MBNL2: variants seen among roughly 807,000 people sequenced by gnomAD.
MBNL2 encodes the protein muscleblind like splicing regulator 2, also known as muscleblind-like protein 2.
MBNL2 carries 17 observed loss-of-function variants against 41.9 expected under a neutral mutation model. The observed-to-expected ratio is 0.41, with a 90% confidence interval of 0.28 to 0.61. The LOEUF (loss-of-function observed/expected upper bound fraction) is 0.61. Ranked by LOEUF, MBNL2 falls within the 20% of genes least tolerant of loss-of-function variation. The pLI is 0.35. For synonymous variants in MBNL2, 195 were observed against 182.9 expected (o/e 1.07, Z -0.53); for missense variants, 336 against 505.6 (o/e 0.66, Z 3.22).
chr13:97,392,554 T>G lies in MBNL2; in HGVS notation c.*1105T>G, dbSNP rs1416115680. Reference sequence around the variant, plus strand: ...AAAGTATAAAAAACTTTAATACAAGTACATACATATTATATATACACATAC... The same window carrying G: ...AAAGTATAAAAAACTTTAATACAAGGACATACATATTATATATACACATAC... On this transcript the variant is annotated 3_prime_UTR_variant, in exon 9 of 9. Transcript: ENST00000679496. 1.3e-5 allele frequency: 2 copies of G among 152,360 alleles called. No homozygotes were observed. Among genetic ancestry groups the G allele is most frequent in the Non-Finnish European group, 2.9e-5 (2 of 67,966 alleles). 9.4% of individuals were successfully genotyped at this position (152,360 alleles called of 1,614,324 possible).
intron 8 of MBNL2, among the ~76,000 whole-genome samples, chr13:97,372,961 C>A (rs2064529418): frequency 6.6e-6 from 1 of 152,158 alleles, no homozygotes; most frequent in South Asian, 2.1e-4. Flanking sequence ...CCACTTGACC[C>A]ATTTTGGGGC....
Position 97,391,982 on chromosome 13 carries a change from T to C in MBNL2, c.*533T>C, listed in dbSNP as rs1294627856. 2 of 153,020 alleles carry C rather than the reference T, an allele frequency of 1.3e-5. No homozygotes were observed. Among genetic ancestry groups the C allele is most frequent in the East Asian group, 3.8e-4 (2 of 5,206 alleles). The allele number at this position is 153,020 out of a possible 1,614,324, so 9.5% of individuals were successfully genotyped here. On this transcript the variant is annotated 3_prime_UTR_variant, in exon 9 of 9. Transcript: ENST00000679496. ...GTGTGGTGTTTGGTTTGCCTGGAGA[T>C]GCCACGTTGAATCATGTGATTCTAG...
At chr13:97,370,677 AAAGAAAG>A (rs1314026861) in intron 8 of MBNL2, among the ~76,000 whole-genome samples, 175 of 151,320 alleles carry the variant, frequency 1.2e-3, no homozygotes, top group African/African-American at 4.1e-3. Flanking sequence ...CAAAAAAAAA[AAAGAAAG>A]AAAGAAAGAA....
chr13:97,220,927 A>C (rs2040806347), upstream of MBNL2, among the ~76,000 whole-genome samples: 1 of 152,202 alleles, frequency 6.6e-6, no homozygotes, highest in Non-Finnish European at 1.5e-5. Context: ...CCACAGAACT[A>C]ATTTAAATTT....
chr13:97,300,887 G>C (rs766754622), intron 2 of MBNL2, among the ~76,000 whole-genome samples: 1 of 151,914 alleles, frequency 6.6e-6, no homozygotes, highest in Non-Finnish European at 1.5e-5. Context: ...CAAATATATT[G>C]GGCATCTATA....
the MBNL2 span, among the ~76,000 whole-genome samples, chr13:97,193,287 C>T: frequency 6.6e-6 from 1 of 152,234 alleles, no homozygotes; most frequent in Non-Finnish European, 1.5e-5. Flanking sequence ...AAGATACCCT[C>T]TTTTAGTTGG....
At chr13:97,243,697 T>C (rs575699537) in intron 1 of MBNL2, among the ~76,000 whole-genome samples, 1 of 152,342 alleles carries the variant, frequency 6.6e-6, no homozygotes, top group African/African-American at 2.4e-5. Flanking sequence ...ACAGTTTCTT[T>C]TTCTTTTCTC....
rs2066417773 is a variant in MBNL2 at position 97,392,926 on chromosome 13, G to A, written c.*1477G>A. 1 of 152,294 alleles carries A rather than the reference G, an allele frequency of 6.6e-6. No individual in the cohort carries two copies. Among genetic ancestry groups the A allele is most frequent in the Non-Finnish European group, 1.5e-5 (1 of 67,884 alleles). The allele number at this position is 152,294 out of a possible 1,614,324, so 9.4% of individuals were successfully genotyped here. On this transcript the variant is annotated 3_prime_UTR_variant, in exon 9 of 9. Transcript: ENST00000679496. The stretch of plus-strand genomic sequence containing the variant: ...TGAATGTAAAATATTTTAAATTTGG[G>A]ATCATCGCCTGTTCTGAAAACTAGA...
upstream of MBNL2, chr13:97,222,150 A>AT (rs2040913288): frequency 3.0e-6 from 1 of 336,670 alleles, no homozygotes; most frequent in African/African-American, 2.1e-5. Context: ...TGAGAGGGAA[A>AT]TTCCTCTTTC....
At chr13:97,193,343 T>C in the MBNL2 span, among the ~76,000 whole-genome samples, 3 of 152,194 alleles carry the variant, frequency 2.0e-5, no homozygotes, top group Admixed American at 2.0e-4. Context: ...CCTACGACAG[T>C]TGAGGGCGAG....
rs529650472 is a variant in MBNL2, at chr13:97,299,048, G to A, written c.174+22639G>A. ...GGTTTGGGAAGAAGTCAGAAAGAAAGCAATGGGATGTTAGGAATTGCAGGA... is the reference window on the plus strand; with the variant it reads ...GGTTTGGGAAGAAGTCAGAAAGAAAACAATGGGATGTTAGGAATTGCAGGA... On this transcript the variant is annotated intron_variant, in intron 2 of 8. Coordinates refer to ENST00000679496, the MANE Select transcript of MBNL2 (RefSeq NM_001382683.1). Among the ~76,000 whole-genome samples, 5 of 152,284 alleles carry A rather than the reference G, an allele frequency of 3.3e-5. No individual in the cohort carries two copies. The East Asian group carries it at 7.7e-4, about 23-fold the overall frequency.
At chr13:97,241,964 C>T (rs1048379344) in intron 1 of MBNL2, among the ~76,000 whole-genome samples, 2 of 152,126 alleles carry the variant, frequency 1.3e-5, no homozygotes, top group Admixed American at 6.5e-5. Flanking sequence ...AGGAAATGAG[C>T]TCTTATTGTG....
At chr13:97,303,501 G>A (rs1009870198) in intron 2 of MBNL2, among the ~76,000 whole-genome samples, 2 of 152,168 alleles carry the variant, frequency 1.3e-5, no homozygotes, top group Non-Finnish European at 2.9e-5. Context: ...CGGAATCCAG[G>A]CCCACCCCAG....
At chr13:97,250,569 C>T (rs2046325063) in intron 1 of MBNL2, among the ~76,000 whole-genome samples, 1 of 152,012 alleles carries the variant, frequency 6.6e-6, no homozygotes, top group Non-Finnish European at 1.5e-5. Flanking sequence ...CTTGAGCTCC[C>T]TTTCTGACCC....
intron 1 of MBNL2, among the ~76,000 whole-genome samples, chr13:97,236,644 T>A (rs1293082153): frequency 6.6e-6 from 1 of 152,186 alleles, no homozygotes; most frequent in East Asian, 1.9e-4. Context: ...CCTCCGCTTT[T>A]TATTCATTTC....
At chr13:97,177,101 G>A in the MBNL2 span, among the ~76,000 whole-genome samples, 3 of 152,312 alleles carry the variant, frequency 2.0e-5, no homozygotes, top group East Asian at 3.9e-4. Flanking sequence ...ACTTTGGGAG[G>A]CTGAGTCAGG....
intron 7 of MBNL2, among the ~76,000 whole-genome samples, chr13:97,361,067 G>A (rs762708175): frequency 6.6e-6 from 1 of 152,166 alleles, no homozygotes; most frequent in African/African-American, 2.4e-5. Context: ...GGGTTCCAGA[G>A]CCAGTAATGA....
At chr13:97,378,871 T>A (rs2065186502) in intron 8 of MBNL2, among the ~76,000 whole-genome samples, 1 of 152,240 alleles carries the variant, frequency 6.6e-6, no homozygotes, top group African/African-American at 2.4e-5. Context: ...ATTATTTCTC[T>A]TACTACTCAA....
chr13:97,283,179 C>G (rs564196009), intron 2 of MBNL2, among the ~76,000 whole-genome samples: 1 of 152,314 alleles, frequency 6.6e-6, no homozygotes, highest in African/African-American at 2.4e-5. Flanking sequence ...CCCTTGCTCC[C>G]TCAGTGTGGA....
Sources: allele counts gnomAD v4.1 joint callset (sites outside exome capture counted in the v4.1 genomes callset), GRCh38; gene constraint gnomAD v4.1.1; transcripts MANE v1.5; gene names NCBI Gene and HGNC (gene_info 2026-07-23, HGNC 2026-07-21).